Variants in NGLY1 observed in about 807,000 individuals in gnomAD.
NGLY1 encodes the protein N-glycanase 1.
In NGLY1, 68 loss-of-function variants were observed where a neutral mutation model predicts 84.6. The ratio of observed to expected loss-of-function variants is 0.80; its 90% CI spans 0.66 to 0.98. NGLY1 has a LOEUF of 0.98. Among genes scored for constraint, NGLY1 ranks in the 50% least tolerant of loss-of-function variants. NGLY1 has a pLI of 0.00. For synonymous variants in NGLY1, 280 were observed against 275.2 expected, an observed-to-expected ratio of 1.02 and a Z score of -0.17; for missense variants, 779 against 770.2, an observed-to-expected ratio of 1.01 and a Z score of -0.14.
chr3:25,739,894 G>C, intron 4 of NGLY1, 95 bp from the exon 5 acceptor site: 1 of 904,624 alleles, frequency 1.1e-6, no homozygotes, highest in Non-Finnish European at 1.6e-6. Context: ...TGAAAAATAT[G>C]AAAACATAAG....
chr3:25,764,448 T>C (rs1215161695), intron 2 of NGLY1, 137 bp from the exon 3 acceptor site: 4 of 971,346 alleles, frequency 4.1e-6, no homozygotes, highest in African/African-American at 1.7e-5. Flanking sequence ...TTTCTTACCA[T>C]TATGGTTCTT....
At chr3:25,777,788 G>C (rs1302227284) in intron 2 of NGLY1, 1 of 152,162 alleles carries the variant, frequency 6.6e-6, no homozygotes, top group African/African-American at 2.4e-5. Flanking sequence ...TGTGAGGTGG[G>C]ATTATATCTA....
intron 2 of NGLY1, among the ~76,000 whole-genome samples, chr3:25,766,786 T>C (rs1010058580): frequency 6.6e-6 from 1 of 152,128 alleles, no homozygotes; most frequent in Non-Finnish European, 1.5e-5. Context: ...TATTTAGATG[T>C]AGGTCTCAGT....
chr3:25,765,453 CAA>C (rs939891781), intron 2 of NGLY1, among the ~76,000 whole-genome samples: 7 of 58,280 alleles, frequency 1.2e-4, no homozygotes, highest in Non-Finnish European at 1.5e-4. Context: ...GACTCAGTCT[CAA>C]AAAAAAAAAA....
rs369598638 is a variant in NGLY1 at position 25,732,476 on chromosome 3, A to T, written c.1268T>A (p.Leu423Gln). ...TTTCCTTCTGTTTTCTGACAAAAAC[A>T]GTTGCCTCTGTAATTCATGTTTTTT... ...TINGLNKQRQLFLSENRRKEL... is the reference protein window; with the variant it reads ...TINGLNKQRQQFLSENRRKEL... The change falls in exon 9 of 12, where the codon CTG (leucine) becomes CAG (glutamine). Residue 423 changes from leucine to glutamine, a missense_variant. Transcript: ENST00000280700. 1.3e-5 allele frequency: 21 copies of T among 1,612,530 alleles called. No individual in the cohort carries two copies. The Admixed American group carries it at 1.7e-4, about 13-fold the overall frequency.
At chr3:25,750,130 ACAGGGCAG>A (rs1207549898) in intron 4 of NGLY1, among the ~76,000 whole-genome samples, 3 of 152,162 alleles carry the variant, frequency 2.0e-5, no homozygotes, top group Non-Finnish European at 4.4e-5. Context: ...GCACCTTTTC[ACAGGGCAG>A]CAGGAGAGAG....
At chr3:25,750,104 C>T (rs1706653817) in intron 4 of NGLY1, among the ~76,000 whole-genome samples, 3 of 152,136 alleles carry the variant, frequency 2.0e-5, no homozygotes. Flanking sequence ...CCTCCCAAAA[C>T]TTATCATGGC....
intron 2 of NGLY1, among the ~76,000 whole-genome samples, chr3:25,769,300 G>C (rs756973769): frequency 2.0e-5 from 3 of 152,198 alleles, no homozygotes; most frequent in Non-Finnish European, 4.4e-5. Context: ...GGTGAAGGCT[G>C]CAGTAAGCCG....
At chr3:25,729,836 G>C (rs540929443) in intron 9 of NGLY1, 1 of 152,324 alleles carries the variant, frequency 6.6e-6, no homozygotes, top group Admixed American at 6.5e-5. Flanking sequence ...TCTCCAGCCA[G>C]ATCTTCTGTT....
chr3:25,723,952 A>C (rs1428312887), intron 10 of NGLY1, among the ~76,000 whole-genome samples: 1 of 152,190 alleles, frequency 6.6e-6, no homozygotes, highest in Non-Finnish European at 1.5e-5. Context: ...TTGTAAGCAC[A>C]TATGAGCATA....
intron 3 of NGLY1, chr3:25,754,785 G>T (rs111652781): frequency 4.9e-6 from 1 of 205,868 alleles, no homozygotes; most frequent in Non-Finnish European, 8.4e-6. Context: ...GAGATGACTC[G>T]TGCTTTTTTT....
At chr3:25,778,925 C>G (rs1009365724) in intron 1 of NGLY1, among the ~76,000 whole-genome samples, 1 of 54,664 alleles carries the variant, frequency 1.8e-5, no homozygotes, top group Non-Finnish European at 3.4e-5. Context: ...AAGATACATT[C>G]TTTTTTTTTT....
upstream of NGLY1, chr3:25,783,444 G>C: frequency 6.9e-7 from 1 of 1,441,940 alleles, no homozygotes; most frequent in Non-Finnish European, 9.1e-7. This position sits in a 1 kb window ranked among gnomAD's most constrained non-coding sequence, Gnocchi z 4.5. Flanking sequence ...GTCCCACACT[G>C]AGCAGGCGCC....
intron 2 of NGLY1, among the ~76,000 whole-genome samples, chr3:25,771,418 T>A (rs950152365): frequency 2.6e-5 from 4 of 152,246 alleles, no homozygotes; most frequent in Admixed American, 1.3e-4. Flanking sequence ...TTTATGCCGG[T>A]ACCATGCTGT....
rs746694378 is a variant in NGLY1, at chr3:25,719,567, T to C, written c.1858A>G (p.Arg620Gly). 39 of 1,613,916 alleles carry C rather than the reference T, an allele frequency of 2.4e-5. No homozygotes were observed. The highest frequency in any genetic ancestry group is 1.3e-4 in the Admixed American group (8 of 60,006). ...TGCCAAGCGACATCACCATCTCCTC[T>C]GCTTAATTCTGCTTCCAAAATAACT... ...TEVILEAELSRGDGDVAWQHT... is the reference protein window; with the variant it reads ...TEVILEAELSGGDGDVAWQHT... Residue 620 changes from arginine to glycine, a missense_variant, in exon 12 of 12, where the codon AGA (arginine) becomes GGA (glycine). Coordinates refer to ENST00000280700, the MANE Select transcript of NGLY1 (RefSeq NM_018297.4).
intron 1 of NGLY1, among the ~76,000 whole-genome samples, chr3:25,780,538 T>C (rs1708363965): frequency 6.6e-6 from 1 of 152,240 alleles, no homozygotes; most frequent in African/African-American, 2.4e-5. Flanking sequence ...ATGCTGGGTC[T>C]TTCTCTGGGC....
Position 25,719,632 on chromosome 3 carries a change from T to C in NGLY1, c.1793A>G (p.Asn598Ser). The C allele has an allele frequency of 3.1e-6, 5 of 1,611,576 alleles. No individual in the cohort carries two copies. In the South Asian group the frequency reaches 4.4e-5, roughly 14 times the overall value. ...AAAATCAGCATAGGAGTGAAGACTG[T>C]TATCTGTTAGAGGGAAAAAAAAAAT... ...DTAQVELTGD[N>S]SLHSYADFSG... The change falls in exon 12 of 12, where the codon AAC becomes AGC. Residue 598 changes from asparagine to serine, a missense_variant. Asn to Ser is a conservative substitution (Grantham distance 46, BLOSUM62 1). Coordinates refer to ENST00000280700, the MANE Select transcript of NGLY1 (RefSeq NM_018297.4).
At chr3:25,732,787 T>C (rs904689744) in intron 8 of NGLY1, among the ~76,000 whole-genome samples, 5 of 152,194 alleles carry the variant, frequency 3.3e-5, no homozygotes, top group South Asian at 2.1e-4. Flanking sequence ...GACTGGCTTG[T>C]GTCAGAATGT....
intron 4 of NGLY1, among the ~76,000 whole-genome samples, chr3:25,747,662 G>A (rs1272983781): frequency 6.6e-6 from 1 of 152,102 alleles, no homozygotes; most frequent in Non-Finnish European, 1.5e-5. Context: ...ACAATAAAAA[G>A]CTCAACTGAA....
Sources: allele counts gnomAD v4.1 joint callset (sites outside exome capture counted in the v4.1 genomes callset), GRCh38; gene constraint gnomAD v4.1.1; non-coding constraint Gnocchi (gnomAD v3.1); transcripts MANE v1.5; gene names NCBI Gene and HGNC (gene_info 2026-07-23, HGNC 2026-07-21).